The following AGBL4 variants were observed in gnomAD, a reference collection of about 807,000 sequenced individuals.
AGBL4 encodes the protein AGBL carboxypeptidase 4, also known as cytosolic carboxypeptidase 6.
In AGBL4, 58 loss-of-function variants were observed where a neutral mutation model predicts 66.4. The ratio of observed to expected loss-of-function variants is 0.87; its 90% CI spans 0.71 to 1.09. AGBL4 has a LOEUF of 1.09. AGBL4 is among the 50% of genes least tolerant of loss of function. AGBL4 has a pLI of 0.00. For synonymous variants in AGBL4, 234 were observed against 222.9 expected (o/e 1.05, Z -0.44); for missense variants, 579 against 631.0 (o/e 0.92, Z 0.88).
At chr1:49,254,408 T>C (rs558231428) in intron 3 of AGBL4, among the ~76,000 whole-genome samples, 1 of 152,210 alleles carries the variant, frequency 6.6e-6, no homozygotes, top group East Asian at 1.9e-4. Context: ...TGTAATCCCA[T>C]TTACAATTGC....
chr1:49,553,894 T>C (rs1653176083), intron 3 of AGBL4, among the ~76,000 whole-genome samples: 1 of 152,198 alleles, frequency 6.6e-6, no homozygotes, highest in African/African-American at 2.4e-5. Flanking sequence ...ATCCCAGCAC[T>C]TTAGGAGGTT....
chr1:49,753,165 A>G (rs1359397983), intron 2 of AGBL4, among the ~76,000 whole-genome samples: 1 of 152,194 alleles, frequency 6.6e-6, no homozygotes, highest in Non-Finnish European at 1.5e-5. Context: ...CATAGTGTCA[A>G]TGATCTTTAC....
chr1:49,958,958 C>A (rs2148339391), intron 1 of AGBL4, among the ~76,000 whole-genome samples: 2 of 150,722 alleles, frequency 1.3e-5, no homozygotes, highest in East Asian at 2.0e-4. Flanking sequence ...CACTAAAGAC[C>A]AAATGAGAAA....
At chr1:48,605,185 A>T (rs1645136302) in intron 9 of AGBL4, among the ~76,000 whole-genome samples, 1 of 151,948 alleles carries the variant, frequency 6.6e-6, no homozygotes, top group South Asian at 2.1e-4. Context: ...CCACTCTATC[A>T]CTCTGTCTTG....
At chr1:49,147,948 G>T (rs558475015) in intron 4 of AGBL4, among the ~76,000 whole-genome samples, 1 of 152,162 alleles carries the variant, frequency 6.6e-6, no homozygotes, top group East Asian at 1.9e-4. Flanking sequence ...CCAAAGCAGG[G>T]ATCTTTCTGC....
intron 1 of AGBL4, among the ~76,000 whole-genome samples, chr1:49,898,621 C>T (rs114344350): frequency 4.0e-5 from 6 of 151,814 alleles, no homozygotes; most frequent in Non-Finnish European, 5.9e-5. Flanking sequence ...TAGGCATATA[C>T]GCAAAGGAAA....
At chr1:49,842,697 GA>G (rs2148043216) in intron 2 of AGBL4, among the ~76,000 whole-genome samples, 1 of 152,234 alleles carries the variant, frequency 6.6e-6, no homozygotes, top group Non-Finnish European at 1.5e-5. Context: ...TGAATGCTGA[GA>G]AAATGAAAAT....
In AGBL4 at chr1:48,876,408, A is replaced by G. The variant is rs116163247; in HGVS notation, c.595-9178T>C. Among the ~76,000 whole-genome samples, 760 of 152,308 alleles carry G rather than the reference A, an allele frequency of 5.0e-3. 3 individuals are homozygous for G. Among genetic ancestry groups the G allele is most frequent in the Middle Eastern group, 0.014 (4 of 294 alleles). On this transcript the variant is annotated intron_variant, in intron 5 of 13. Coordinates refer to ENST00000371839, the MANE Select transcript of AGBL4 (RefSeq NM_032785.4). ...TTTGCTCTGGAGGAAAGACCCAGGC[A>G]TCAAGAGGCAGCGAGAGGAAGGCCG...
intron 4 of AGBL4, among the ~76,000 whole-genome samples, chr1:49,182,651 T>C (rs1646949631): frequency 6.6e-6 from 1 of 152,192 alleles, no homozygotes; most frequent in Non-Finnish European, 1.5e-5. Context: ...TTTATCTTTC[T>C]AATGAGGCTA....
chr1:49,804,189 C>T (rs1030715642), intron 2 of AGBL4, among the ~76,000 whole-genome samples: 2 of 152,162 alleles, frequency 1.3e-5, no homozygotes, highest in African/African-American at 4.8e-5. Flanking sequence ...AAAAAACTAT[C>T]AATGTGTTAG....
chr1:49,135,454 T>C (rs1024705408), intron 4 of AGBL4, among the ~76,000 whole-genome samples: 3 of 151,944 alleles, frequency 2.0e-5, no homozygotes, highest in Non-Finnish European at 4.4e-5. Context: ...CACAGAAATA[T>C]AGAGGTGTGA....
At chr1:49,230,106 C>T (rs1650198232) in intron 4 of AGBL4, among the ~76,000 whole-genome samples, 1 of 152,156 alleles carries the variant, frequency 6.6e-6, no homozygotes, top group Non-Finnish European at 1.5e-5. Context: ...ACTGAAGCTA[C>T]CCATGTAGCT....
At chr1:48,897,904 G>A (rs941118514) in intron 5 of AGBL4, among the ~76,000 whole-genome samples, 3 of 151,070 alleles carry the variant, frequency 2.0e-5, no homozygotes, top group African/African-American at 7.3e-5. Context: ...CTGCCTCCTG[G>A]GTTCAAGCGA....
At chr1:48,547,481 G>A (rs988931141) in intron 11 of AGBL4, among the ~76,000 whole-genome samples, 2 of 152,058 alleles carry the variant, frequency 1.3e-5, no homozygotes, top group African/African-American at 4.8e-5. Context: ...GCCCTGATCT[G>A]GCATATGAAA....
At chr1:48,938,608 G>A (rs1329735139) in intron 5 of AGBL4, among the ~76,000 whole-genome samples, 3 of 152,032 alleles carry the variant, frequency 2.0e-5, no homozygotes, top group Admixed American at 6.6e-5. Context: ...CTGATATTAG[G>A]GCATCTTTCA....
chr1:49,400,044 T>C (rs1248506560), intron 3 of AGBL4, among the ~76,000 whole-genome samples: 1 of 152,106 alleles, frequency 6.6e-6, no homozygotes, highest in East Asian at 1.9e-4. Flanking sequence ...TAGGTCACCA[T>C]ATATGATGAG....
chr1:49,314,782 T>C (rs1645008816), intron 3 of AGBL4, among the ~76,000 whole-genome samples: 1 of 152,088 alleles, frequency 6.6e-6, no homozygotes, highest in Admixed American at 6.6e-5. Flanking sequence ...TATTTCTGGT[T>C]CTAGATCCTT....
chr1:49,919,789 TA>T (rs1652003737), intron 1 of AGBL4, among the ~76,000 whole-genome samples: 1 of 152,202 alleles, frequency 6.6e-6, no homozygotes, highest in Non-Finnish European at 1.5e-5. Flanking sequence ...AAGACAATCC[TA>T]AGCCAAAAGA....
intron 6 of AGBL4, among the ~76,000 whole-genome samples, chr1:48,716,381 A>G (rs1647050972): frequency 6.6e-6 from 1 of 151,454 alleles, no homozygotes; most frequent in Admixed American, 6.6e-5. Context: ...CATCTTCATA[A>G]TGGGAATGAT....
Sources: allele counts gnomAD v4.1 joint callset (sites outside exome capture counted in the v4.1 genomes callset), GRCh38; gene constraint gnomAD v4.1.1; transcripts MANE v1.5; gene names NCBI Gene and HGNC (gene_info 2026-07-23, HGNC 2026-07-21).